IMMP1L: variants seen among roughly 807,000 people sequenced by gnomAD.
The protein encoded by IMMP1L is inner mitochondrial membrane peptidase subunit 1, also known as mitochondrial inner membrane protease subunit 1.
A neutral mutation model predicts 21.8 loss-of-function variants in IMMP1L; 24 were observed. The ratio of observed to expected loss-of-function variants is 1.10; its 90% CI spans 0.80 to 1.55. The LOEUF (loss-of-function observed/expected upper bound fraction) is 1.55, where lower values mean the gene tolerates loss of function less well. Ranked by LOEUF, IMMP1L falls within the 40% of genes most tolerant of loss-of-function variation. The probability of loss-of-function intolerance (pLI) is 0.00; values close to 1 mark genes in which losing one functional copy is unlikely to be tolerated. For missense variants in IMMP1L, 195 were observed against 200.7 expected (o/e 0.97, Z 0.17); for synonymous variants, 46 against 62.8 (o/e 0.73, Z 1.26).
chr11:31,478,397 T>C (rs1954791093), intron 1 of IMMP1L, among the ~76,000 whole-genome samples: 1 of 152,226 alleles, frequency 6.6e-6, no homozygotes, highest in Non-Finnish European at 1.5e-5. Context: ...GCTCTGTAAT[T>C]GAAATGTACA....
chr11:31,447,961 G>A (rs966558682), intron 4 of IMMP1L, among the ~76,000 whole-genome samples: 3 of 152,022 alleles, frequency 2.0e-5, no homozygotes, highest in Admixed American at 2.0e-4. Context: ...TTCCAAAAGG[G>A]AGTTGAATAT....
At chr11:31,500,815 A>G (rs1177799619) in intron 1 of IMMP1L, among the ~76,000 whole-genome samples, 1 of 152,172 alleles carries the variant, frequency 6.6e-6, no homozygotes, top group Admixed American at 6.5e-5. Context: ...GCTCATTCAT[A>G]TACATGTTAT....
intron 1 of IMMP1L, among the ~76,000 whole-genome samples, chr11:31,505,815 G>A (rs916871534): frequency 1.3e-5 from 2 of 152,076 alleles, no homozygotes; most frequent in African/African-American, 4.8e-5. Flanking sequence ...TGCACTTAAT[G>A]CATGGCAAAT....
chr11:31,471,027 G>A (rs1453340115), intron 1 of IMMP1L, among the ~76,000 whole-genome samples: 3 of 152,290 alleles, frequency 2.0e-5, no homozygotes, highest in Non-Finnish European at 2.9e-5. Context: ...CTATATAGGA[G>A]AAATAAGTTC....
chr11:31,459,040 T>C (rs1034444138), intron 3 of IMMP1L, among the ~76,000 whole-genome samples: 2 of 152,136 alleles, frequency 1.3e-5, no homozygotes, highest in East Asian at 1.9e-4. Context: ...TCAAAGGCTA[T>C]ATAAGGATAA....
chr11:31,470,211 C>T (rs923628109), intron 1 of IMMP1L, among the ~76,000 whole-genome samples: 6 of 152,016 alleles, frequency 3.9e-5, no homozygotes, highest in African/African-American at 1.2e-4. Flanking sequence ...GTCGGGAGTT[C>T]GAGAGCAGCC....
chr11:31,491,912 A>G (rs566859036), intron 1 of IMMP1L, among the ~76,000 whole-genome samples: 8 of 152,340 alleles, frequency 5.3e-5, no homozygotes, highest in Admixed American at 3.9e-4. Flanking sequence ...CTATAAACAC[A>G]TGTGCTGTCA....
At chr11:31,446,406 T>C (rs1953521414) in intron 4 of IMMP1L, among the ~76,000 whole-genome samples, 1 of 152,304 alleles carries the variant, frequency 6.6e-6, no homozygotes, top group Admixed American at 6.5e-5. Flanking sequence ...AAACTAAGCC[T>C]GATCATGTTA....
At chr11:31,491,172 G>C (rs1955242305) in intron 1 of IMMP1L, among the ~76,000 whole-genome samples, 1 of 152,178 alleles carries the variant, frequency 6.6e-6, no homozygotes, top group Non-Finnish European at 1.5e-5. Context: ...AAACTGGAGT[G>C]TTGCTGTGAT....
At chr11:31,492,018 GGC>G (rs1478663996) in intron 1 of IMMP1L, among the ~76,000 whole-genome samples, 1 of 152,122 alleles carries the variant, frequency 6.6e-6, no homozygotes, top group Non-Finnish European at 1.5e-5. Context: ...AATGAGCACT[GGC>G]TTCAACTTAA....
chr11:31,502,031 C>T (rs1230878263), intron 1 of IMMP1L, among the ~76,000 whole-genome samples: 2 of 151,204 alleles, frequency 1.3e-5, no homozygotes, highest in Non-Finnish European at 3.0e-5. Flanking sequence ...CATCAAAGAC[C>T]TTGTTGTATG....
chr11:31,444,649 G>T (rs919250630), intron 4 of IMMP1L, among the ~76,000 whole-genome samples: 1 of 150,070 alleles, frequency 6.7e-6, no homozygotes, highest in Non-Finnish European at 1.5e-5. Context: ...GAGTGCCATG[G>T]CGCGATCTTG....
intron 1 of IMMP1L, among the ~76,000 whole-genome samples, chr11:31,471,626 A>C (rs750793686): frequency 2.0e-5 from 3 of 152,326 alleles, no homozygotes; most frequent in Non-Finnish European, 4.4e-5. Context: ...GGGAAGAAAA[A>C]TATGAGTTAA....
At position 31,433,456 on chromosome 11, in the gene IMMP1L, G is replaced by A; in HGVS notation, c.432+4C>T. On this transcript the variant is annotated splice_donor_region_variant and intron_variant, in intron 5 of 5. Transcript: ENST00000532287. ...AACCTTACATTTTAAGCAGAAAATG[G>A]TACCTTAAAGAAGATTCGTCCTCTT... is the stretch of plus-strand genomic sequence containing the variant. 1 of 1,491,968 alleles carries A rather than the reference G, an allele frequency of 6.7e-7. No homozygotes were observed. The allele number at this position is 1,491,968 out of a possible 1,614,324, so 92.4% of individuals were successfully genotyped here. A position where few individuals can be genotyped will look rare whatever the true frequency, so the allele number is the denominator to read the frequency against.
chr11:31,448,862 C>CA (rs1953636430), intron 4 of IMMP1L: 1 of 847,488 alleles, frequency 1.2e-6, no homozygotes, highest in Non-Finnish European at 1.4e-6. Context: ...GACATCTGAA[C>CA]AAAAACACTT....
intron 4 of IMMP1L, chr11:31,449,120 A>G (rs1953649750): frequency 4.1e-6 from 4 of 979,022 alleles, no homozygotes; most frequent in Non-Finnish European, 4.9e-6. Context: ...TTGTTTAGAT[A>G]CTCTAGTTGT....
intron 1 of IMMP1L, 30 bp downstream of exon 1, chr11:31,509,489 A>T (rs558387190): frequency 4.3e-6 from 2 of 465,652 alleles, no homozygotes; most frequent in East Asian, 7.5e-5. Context: ...GGCACTCAAA[A>T]GGAGAAGAAC....
At chr11:31,446,658 T>A (rs1047616907) in intron 4 of IMMP1L, among the ~76,000 whole-genome samples, 1 of 152,218 alleles carries the variant, frequency 6.6e-6, no homozygotes, top group African/African-American at 2.4e-5. Flanking sequence ...AGCACAATGC[T>A]GTACTTACTT....
At chr11:31,474,719 T>C (rs1221182584) in intron 1 of IMMP1L, among the ~76,000 whole-genome samples, 1 of 152,198 alleles carries the variant, frequency 6.6e-6, no homozygotes, top group Non-Finnish European at 1.5e-5. Context: ...AACCTGTTTA[T>C]TTTGTTTCAT....
Sources: gnomAD v4.1 joint callset for allele counts (sites outside exome capture counted in the v4.1 genomes callset) on GRCh38, gnomAD v4.1.1 for gene constraint, MANE v1.5 for transcripts, NCBI Gene and HGNC (gene_info 2026-07-23, HGNC 2026-07-21) for gene names.